The following HELLS variants were observed in gnomAD, a reference collection of about 807,000 sequenced individuals.
HELLS encodes helicase, lymphoid specific, also known as lymphoid-specific helicase.
HELLS carries 32 observed loss-of-function variants against 120.0 expected under a neutral mutation model. That is an observed-to-expected ratio of 0.27 (90% CI 0.20 to 0.36). The LOEUF (loss-of-function observed/expected upper bound fraction) is 0.36. HELLS is among the 10% of genes least tolerant of loss of function. HELLS has a pLI of 1.00. For synonymous variants in HELLS, 341 were observed against 323.4 expected (o/e 1.05, Z -0.58); for missense variants, 650 against 993.4 (o/e 0.65, Z 4.65).
At chr10:94,564,697 C>T (rs558550209) in intron 6 of HELLS, among the ~76,000 whole-genome samples, 51 of 152,160 alleles carry the variant, frequency 3.4e-4, no homozygotes, top group Non-Finnish European at 5.6e-4. Flanking sequence ...CTGCTACAAG[C>T]TCCACCTCCC....
Position 94,601,658 on chromosome 10 carries a change from T to G in HELLS, c.*36T>G, listed in dbSNP as rs1564622166. 2.8e-6 allele frequency: 3 copies of G among 1,084,002 alleles called. No individual in the cohort carries two copies. The highest frequency in any genetic ancestry group is 4.2e-6 in the Non-Finnish European group (3 of 721,994). The allele number at this position is 1,084,002 out of a possible 1,614,324, so 67.1% of individuals were successfully genotyped here. On this transcript the variant is annotated 3_prime_UTR_variant, in exon 22 of 22. Transcript: ENST00000348459. ...AAGAATAGCTTTTAAAAGTTCTTAT[T>G]TACATCTAGTGATTTCCCTGTATTG...
chr10:94,598,068 A>G lies in HELLS; in HGVS notation c.2422+957A>G, dbSNP rs572770341. On this transcript the variant is annotated intron_variant, in intron 21 of 21. Transcript: ENST00000348459. ...TGATCTGATGCCTACAGTGATGACC[A>G]TGAATTATTTTGAAAACAAAAATAA... 4.0e-5 allele frequency among the ~76,000 whole-genome samples: 6 copies of G among 151,646 alleles called. No individual in the cohort carries two copies. In the East Asian group the frequency reaches 1.2e-3, roughly 29 times the overall value.
In HELLS at chr10:94,590,402, T is replaced by G; in HGVS notation, c.1489-11T>G. 1.3e-5 allele frequency: 20 copies of G among 1,589,626 alleles called. No homozygotes were observed. Among genetic ancestry groups the G allele is most frequent in the Non-Finnish European group, 1.7e-5 (20 of 1,173,756 alleles). ...TATAAACTGAATTTCTTTTAATTCGTTCCCTTTTAGAAAGAAACAATTGAG... is the reference window on the plus strand; with the variant it reads ...TATAAACTGAATTTCTTTTAATTCGGTCCCTTTTAGAAAGAAACAATTGAG... On this transcript the variant is annotated splice_polypyrimidine_tract_variant and intron_variant, in intron 13 of 21. Transcript: ENST00000348459.
In HELLS at chr10:94,553,211, C is replaced by T. The variant is rs1255286223; in HGVS notation, c.154-915C>T. Among the ~76,000 whole-genome samples the T allele has an allele frequency of 2.0e-5, 3 of 151,924 alleles. No individual in the cohort carries two copies. The East Asian group carries it at 5.8e-4, about 29-fold the overall frequency. ...TGTACATAACAAGGTAATATAATAA[C>T]ACGGAACCACAACATCAATGTTTTA... On this transcript the variant is annotated intron_variant, in intron 2 of 21. Transcript: ENST00000348459.
downstream of HELLS, among the ~76,000 whole-genome samples, chr10:94,606,625 T>C (rs1846132796): frequency 6.6e-6 from 1 of 152,202 alleles, no homozygotes; most frequent in Non-Finnish European, 1.5e-5. Flanking sequence ...ATTGGTATTA[T>C]ATGTATGAGC....
downstream of HELLS, among the ~76,000 whole-genome samples, chr10:94,605,074 C>CCCG (rs1564623807): frequency 3.3e-5 from 1 of 30,446 alleles, no homozygotes; most frequent in African/African-American, 9.1e-5. Flanking sequence ...CTTGTGTCTC[C>CCCG]CCCCCCCCCC....
rs1265543581 is a variant in HELLS at position 94,580,135 on chromosome 10, A to G, written c.1033-1191A>G. On this transcript the variant is annotated intron_variant, in intron 10 of 21. Transcript: ENST00000348459. The stretch of plus-strand genomic sequence containing the variant: ...TATAAAAGTATATATATATATATAT[A>G]TATATATATATATATATATATATAT... Among the ~76,000 whole-genome samples, 27 of 38,670 alleles carry G rather than the reference A, an allele frequency of 7.0e-4. 1 individual carries two copies. The highest frequency in any genetic ancestry group is 3.5e-3 in the African/African-American group (20 of 5,692). The allele number at this position is 38,670 out of a possible 152,430, so 25.4% of individuals were successfully genotyped here.
rs372598734 is a variant in HELLS, at chr10:94,545,863, G to A, written c.-59G>A. ...GGCCGGCAGCGGTTGTGAGGAGTTA[G>A]CTCGCGGCATTGCAGGCTCTGAGAG... is the stretch of plus-strand genomic sequence containing the variant. On this transcript the variant is annotated 5_prime_UTR_variant, in exon 1 of 22. Coordinates refer to ENST00000348459, the MANE Select transcript of HELLS (RefSeq NM_018063.5). 7.8e-6 allele frequency: 12 copies of A among 1,539,856 alleles called. No homozygotes were observed. The East Asian group carries it at 2.4e-4, about 31-fold the overall frequency.
At chr10:94,567,738 T>C in intron 6 of HELLS, among the ~76,000 whole-genome samples, 1 of 151,996 alleles carries the variant, frequency 6.6e-6, no homozygotes, top group East Asian at 1.9e-4. Flanking sequence ...AAATCCTGTC[T>C]CTACAAAAAG....
intron 12 of HELLS, chr10:94,584,009 G>A: frequency 2.8e-6 from 2 of 709,902 alleles, no homozygotes; most frequent in Non-Finnish European, 4.8e-6. Flanking sequence ...TAGAATGTAT[G>A]TGTCAGAGTT....
At chr10:94,572,911 C>T (rs535315831) in intron 7 of HELLS, among the ~76,000 whole-genome samples, 3 of 152,150 alleles carry the variant, frequency 2.0e-5, no homozygotes, top group Admixed American at 6.6e-5. Context: ...TTCCTAATTA[C>T]TACTGAAGTA....
At chr10:94,554,656 G>GGT (rs1843162362) in intron 3 of HELLS, among the ~76,000 whole-genome samples, 3 of 115,496 alleles carry the variant, frequency 2.6e-5, no homozygotes, top group African/African-American at 8.8e-5. Flanking sequence ...TTTTTTTTTT[G>GGT]TTTTTTTTTT....
At chr10:94,569,663 C>G (rs1844034572) in intron 6 of HELLS, 1 of 152,098 alleles carries the variant, frequency 6.6e-6, no homozygotes, top group South Asian at 2.1e-4. Context: ...GACTACACCT[C>G]AAACACCTGG....
At position 94,596,916 on chromosome 10, in the gene HELLS, A is replaced by G. The variant is rs1197892098; in HGVS notation, c.2305A>G (p.Lys769Glu). Residue 769 changes from lysine (K) to glutamate (E), a missense_variant, in exon 20 of 22, where the codon AAG (lysine) becomes GAG (glutamate). Physicochemically the swap from Lys to Glu is moderately conservative, Grantham distance 56. Transcript: ENST00000348459. ...TCTGTCTAAGAATTTCTTAGATCCT[A>G]AGGAATTAATGGAATTATTAAAATC... is the stretch of plus-strand genomic sequence containing the variant. ...LNLSKNFLDP[K>E]ELMELLKSRD... is the part of the protein sequence containing the mutation. 3 of 1,518,796 alleles carry G rather than the reference A, an allele frequency of 2.0e-6. No individual in the cohort carries two copies. The highest frequency in any genetic ancestry group is 3.4e-5 in the Admixed American group (2 of 59,350). The allele number at this position is 1,518,796 out of a possible 1,614,324, so 94.1% of individuals were successfully genotyped here.
chr10:94,593,492 C>A lies in HELLS; in HGVS notation c.1972-7C>A. ...ATCTGTTGTATTTACATCCTTTTTGCTTTTAGATGCACAGCTTCAACACGG... is the reference window on the plus strand; with the variant it reads ...ATCTGTTGTATTTACATCCTTTTTGATTTTAGATGCACAGCTTCAACACGG... On this transcript the variant is annotated splice_region_variant and splice_polypyrimidine_tract_variant and intron_variant, in intron 17 of 21. Transcript: ENST00000348459. The A allele has an allele frequency of 6.4e-7, 1 of 1,572,148 alleles. No homozygotes were observed. The highest frequency in any genetic ancestry group is 8.7e-7 in the Non-Finnish European group (1 of 1,143,894).
Position 94,590,509 on chromosome 10 carries a change from G to C in HELLS, c.1585G>C (p.Glu529Gln). The C allele has an allele frequency of 6.2e-7, 1 of 1,610,502 alleles. No homozygotes were observed. The highest frequency in any genetic ancestry group is 1.7e-4 in the Middle Eastern group (1 of 6,046). Residue 529 changes from glutamate (E) to glutamine (Q), a missense_variant, in exon 14 of 22, where the codon GAA becomes CAA. By Grantham distance (29) the Glu-to-Gln change is conservative. Around this residue, in one of 9 missense-constraint regions of HELLS, gnomAD observed 191 missense variants for 259.7 expected, o/e 0.74. Transcript: ENST00000348459. ...SKIDDFPNEL[E>Q]KLISQIQPEV... is the part of the protein sequence containing the mutation. ...AATAGATGATTTCCCTAATGAATTG[G>C]AAAAACTGATCAGTCAAATACAGCC...
intron 21 of HELLS, among the ~76,000 whole-genome samples, chr10:94,600,185 G>A (rs1451361338): frequency 6.6e-6 from 1 of 151,968 alleles, no homozygotes; most frequent in African/African-American, 2.4e-5. Context: ...CAGCTACTCA[G>A]AAGGCTGAGG....
At chr10:94,607,829 G>A (rs960183551) in intron 8 of HELLS, 37 of 293,434 alleles carry the variant, frequency 1.3e-4, no homozygotes, top group African/African-American at 7.7e-4. Flanking sequence ...GCGGGGTCCA[G>A]CGATTCTCCT....
At chr10:94,597,293 C>G (rs1475760713) in intron 21 of HELLS, among the ~76,000 whole-genome samples, 182 bp downstream of exon 21, 1 of 152,092 alleles carries the variant, frequency 6.6e-6, no homozygotes, top group African/African-American at 2.4e-5. Flanking sequence ...ATGTCATTAT[C>G]TTTAACTTCT....
Sources: gnomAD v4.1 joint callset for allele counts (sites outside exome capture counted in the v4.1 genomes callset) on GRCh38, gnomAD v4.1.1 for gene constraint, gnomAD v4.1.1 regional missense constraint, MANE v1.5 for transcripts, NCBI Gene and HGNC (gene_info 2026-07-23, HGNC 2026-07-21) for gene names.